The following SOS1 variants were observed in gnomAD, a reference collection of about 807,000 sequenced individuals.
SOS1 encodes the protein son of sevenless homolog 1.
Under a neutral mutation model 157.6 loss-of-function variants are expected in SOS1, and 25 were observed. That is an observed-to-expected ratio of 0.16 (90% CI 0.12 to 0.22). The LOEUF is 0.22. Ranked by LOEUF, SOS1 falls within the 10% of genes least tolerant of loss-of-function variation. The pLI is 1.00. For missense variants in SOS1, 1,237 were observed against 1,599.1 expected (o/e 0.77, Z 3.86); for synonymous variants, 528 against 534.0 (o/e 0.99, Z 0.16).
At chr2:39,015,802 C>CTTTTTTT (rs1054843148) in intron 10 of SOS1, among the ~76,000 whole-genome samples, 9 of 87,418 alleles carry the variant, frequency 1.0e-4, no homozygotes, top group African/African-American at 4.2e-4. Flanking sequence ...AATTGTAAAT[C>CTTTTTTT]TTTTTTTTTT....
rs79984786 is a variant in SOS1, at chr2:39,013,443, TA to T, written c.2167+16del. ...TTTATTACATATAAAACTAGGCACCTAAAAAAAAAAACATACCTCTTACTGT... is the reference window on the plus strand; with the variant it reads ...TTTATTACATATAAAACTAGGCACCTAAAAAAAAAACATACCTCTTACTGT... On this transcript the variant is annotated intron_variant, in intron 13 of 22. Transcript: ENST00000402219. 27,985 of 993,652 alleles carry T rather than the reference TA, an allele frequency of 0.028. No individual in the cohort carries two copies. The highest frequency in any genetic ancestry group is 0.031 in the Non-Finnish European group (22,225 of 706,580). The allele number at this position is 993,652 out of a possible 1,614,324, so 61.6% of individuals were successfully genotyped here. A position where few individuals can be genotyped will look rare whatever the true frequency, so the allele number is the denominator to read the frequency against.
chr2:39,088,980 CATTTTTGGTTTTTT>C (rs1309780449), intron 1 of SOS1, among the ~76,000 whole-genome samples: 1 of 152,124 alleles, frequency 6.6e-6, no homozygotes, highest in African/African-American at 2.4e-5. Context: ...CTTTGGTTTT[CATTTTTGGTTTTTT>C]ATTTTAAATA....
At chr2:39,084,991 A>T (rs1397711833) in intron 1 of SOS1, among the ~76,000 whole-genome samples, 2 of 152,168 alleles carry the variant, frequency 1.3e-5, no homozygotes, top group Non-Finnish European at 2.9e-5. Flanking sequence ...GCGCTTTATC[A>T]AATTCCCAGT....
intron 1 of SOS1, chr2:39,098,194 G>T (rs566719956): frequency 2.0e-5 from 4 of 202,346 alleles, no homozygotes; most frequent in Non-Finnish European, 4.2e-5. Flanking sequence ...TAAATGAGAA[G>T]TAATCCTTGT....
At chr2:39,007,395 C>T (rs1371132859) in intron 15 of SOS1, 5 of 567,772 alleles carry the variant, frequency 8.8e-6, no homozygotes, top group Non-Finnish European at 1.2e-5. Context: ...GTCTTCTAGA[C>T]TGGTACAGTC....
intron 17 of SOS1, among the ~76,000 whole-genome samples, chr2:39,004,700 T>A (rs1669228198): frequency 6.6e-6 from 1 of 151,850 alleles, no homozygotes; most frequent in African/African-American, 2.4e-5. Flanking sequence ...CTAATACATG[T>A]CAATGAATAA....
At chr2:39,069,818 G>C (rs991941250) in intron 1 of SOS1, among the ~76,000 whole-genome samples, 3 of 152,182 alleles carry the variant, frequency 2.0e-5, no homozygotes, top group African/African-American at 7.2e-5. Flanking sequence ...AAAGTGCTGG[G>C]ATTACAGGCA....
intron 1 of SOS1, among the ~76,000 whole-genome samples, chr2:39,100,017 A>G (rs1672905302): frequency 1.3e-5 from 2 of 152,172 alleles, no homozygotes; most frequent in Admixed American, 1.3e-4. Flanking sequence ...GTGCCCGGCC[A>G]AGACTGTTTT....
chr2:39,015,468 C>G (rs1210667926), intron 10 of SOS1, among the ~76,000 whole-genome samples: 2 of 151,924 alleles, frequency 1.3e-5, no homozygotes, highest in East Asian at 3.8e-4. Context: ...CTATTCCAAC[C>G]TTTAATTGCC....
chr2:39,089,644 C>A (rs554487174), intron 1 of SOS1, among the ~76,000 whole-genome samples: 2 of 151,858 alleles, frequency 1.3e-5, no homozygotes, highest in Admixed American at 6.6e-5. Flanking sequence ...TGGATTATAA[C>A]CCAAAAAGTA....
intron 1 of SOS1, among the ~76,000 whole-genome samples, chr2:39,074,436 C>T (rs1671895732): frequency 1.3e-5 from 2 of 151,628 alleles, no homozygotes; most frequent in Non-Finnish European, 2.9e-5. Context: ...CTTAGCCAGC[C>T]GTGGTGGTGC....
At chr2:39,103,246 C>T (rs1047364852) in intron 1 of SOS1, among the ~76,000 whole-genome samples, 1 of 152,050 alleles carries the variant, frequency 6.6e-6, no homozygotes, top group Non-Finnish European at 1.5e-5. Flanking sequence ...GAGCAATGTA[C>T]AGATTCGATG....
intron 1 of SOS1, among the ~76,000 whole-genome samples, chr2:39,104,038 G>C (rs995531369): frequency 6.6e-6 from 1 of 152,182 alleles, no homozygotes; most frequent in African/African-American, 2.4e-5. Flanking sequence ...CCAGCACTTT[G>C]GAAAGCCGAG....
rs1238905160 is a variant in SOS1, at chr2:38,989,246, G to C, written c.3391+24C>G. On this transcript the variant is annotated intron_variant, in intron 21 of 22. Coordinates refer to ENST00000402219, the MANE Select transcript of SOS1 (RefSeq NM_005633.4). ...TTTTTAAAGCCAAAGCAAGAATTAT[G>C]AGTCTTAAACCAAATATACTAACTT... is the stretch of plus-strand genomic sequence containing the variant. 2.0e-6 allele frequency: 3 copies of C among 1,529,822 alleles called. No homozygotes were observed. The Admixed American group carries it at 5.0e-5, about 26-fold the overall frequency. The allele number at this position is 1,529,822 out of a possible 1,614,324, so 94.8% of individuals were successfully genotyped here.
At chr2:39,071,335 C>T (rs1007720778) in intron 1 of SOS1, among the ~76,000 whole-genome samples, 5 of 152,086 alleles carry the variant, frequency 3.3e-5, no homozygotes, top group Admixed American at 2.0e-4. Context: ...GAGTGGATGC[C>T]CATGGACCAT....
chr2:38,985,510 T>TGATCACTTCACAAAA lies in SOS1; in HGVS notation c.*299_*313dup. The TGATCACTTCACAAAA allele has an allele frequency of 9.1e-6, 3 of 328,430 alleles. No homozygotes were observed. In the South Asian group the frequency reaches 1.0e-4, roughly 11 times the overall value. The allele number at this position is 328,430 out of a possible 1,614,324, so 20.3% of individuals were successfully genotyped here. On this transcript the variant is annotated 3_prime_UTR_variant, in exon 23 of 23. Coordinates refer to ENST00000402219, the MANE Select transcript of SOS1 (RefSeq NM_005633.4). Reference sequence around the variant, plus strand: ...TAGACTGTGTTTTCCATCCCTTTAATGATCACTTCACAAAAGATCACTTCA... The same window carrying TGATCACTTCACAAAA: ...TAGACTGTGTTTTCCATCCCTTTAATGATCACTTCACAAAAGATCACTTCACAAAAGATCACTTCA...
At chr2:39,012,738 T>A (rs1199194395) in intron 13 of SOS1, among the ~76,000 whole-genome samples, 1 of 152,200 alleles carries the variant, frequency 6.6e-6, no homozygotes, top group Admixed American at 6.5e-5. Context: ...TACACAATAT[T>A]CATCTAATTA....
intron 1 of SOS1, among the ~76,000 whole-genome samples, chr2:39,102,135 G>A (rs1050371851): frequency 2.2e-5 from 3 of 136,234 alleles, no homozygotes; most frequent in Non-Finnish European, 4.6e-5. Flanking sequence ...AACCTGGGAG[G>A]CAGAGGTTGC....
At chr2:39,041,691 T>C (rs142415299) in intron 6 of SOS1, among the ~76,000 whole-genome samples, 129 of 152,368 alleles carry the variant, frequency 8.5e-4, no homozygotes, top group African/African-American at 3.1e-3. Flanking sequence ...TTTTCGGATA[T>C]GGTACATGGT....
Sources: gnomAD v4.1 joint callset for allele counts (sites outside exome capture counted in the v4.1 genomes callset) on GRCh38, gnomAD v4.1.1 for gene constraint, MANE v1.5 for transcripts, NCBI Gene and HGNC (gene_info 2026-07-23, HGNC 2026-07-21) for gene names.